APBB1IP: variants seen among roughly 807,000 people sequenced by gnomAD.
APBB1IP encodes the protein amyloid beta precursor protein binding family B member 1 interacting protein.
A neutral mutation model predicts 64.9 loss-of-function variants in APBB1IP; 27 were observed. That is an observed-to-expected ratio of 0.42 (90% confidence interval 0.31 to 0.57). The LOEUF is 0.57. APBB1IP is among the 20% of genes least tolerant of loss of function. The pLI is 0.20. For synonymous variants in APBB1IP, 392 were observed against 331.0 expected (o/e 1.18, Z -2.00); for missense variants, 812 against 845.5 (o/e 0.96, Z 0.49).
chr10:26,470,658 T>C (rs1201098857), intron 2 of APBB1IP, among the ~76,000 whole-genome samples: 1 of 152,222 alleles, frequency 6.6e-6, no homozygotes, highest in Non-Finnish European at 1.5e-5. Flanking sequence ...AGGTTAGGTG[T>C]ATTAAATTCA....
intron 2 of APBB1IP, among the ~76,000 whole-genome samples, chr10:26,470,198 A>C (rs887736630): frequency 2.0e-5 from 3 of 152,348 alleles, no homozygotes; most frequent in East Asian, 3.9e-4. Context: ...TACACTTTCA[A>C]TAAAGTATCC....
Position 26,501,019 on chromosome 10 carries a change from A to C in APBB1IP, c.361A>C (p.Ile121Leu). The change falls in exon 5 of 15, where the codon ATC (isoleucine) becomes CTC (leucine). Residue 121 changes from isoleucine (I) to leucine (L), a missense_variant. Ile to Leu is a conservative substitution (Grantham distance 5). This residue lies in a region of APBB1IP where 394 missense variants were observed against 413.1 expected (regional missense o/e 0.95). Transcript: ENST00000376236. ...TGGAACAAATGTTGCTGCCACTGGT[A>C]TCAGCCAATATGAGGATGACTTACC... is the stretch of plus-strand genomic sequence containing the variant. Reference protein sequence around the residue: ...GYGTNVAATGISQYEDDLPPP... With the variant: ...GYGTNVAATGLSQYEDDLPPP... The C allele has an allele frequency of 6.2e-7, 1 of 1,614,180 alleles. No homozygotes were observed. Among genetic ancestry groups the C allele is most frequent in the Non-Finnish European group, 8.5e-7 (1 of 1,180,032 alleles).
chr10:26,477,327 AG>A (rs748963287), intron 2 of APBB1IP, among the ~76,000 whole-genome samples: 9 of 152,208 alleles, frequency 5.9e-5, no homozygotes, highest in Non-Finnish European at 8.8e-5. Flanking sequence ...CTCAATTAAA[AG>A]TATTTCTTTG....
intron 2 of APBB1IP, among the ~76,000 whole-genome samples, chr10:26,487,092 A>G (rs1835900930): frequency 6.6e-6 from 1 of 150,586 alleles, no homozygotes; most frequent in Non-Finnish European, 1.5e-5. Context: ...CCCAGTCACG[A>G]TGTGAGCATG....
At chr10:26,548,750 T>C (rs1836797089) in intron 11 of APBB1IP, among the ~76,000 whole-genome samples, 1 of 152,200 alleles carries the variant, frequency 6.6e-6, no homozygotes, top group South Asian at 2.1e-4. Flanking sequence ...GGTGGAGTCT[T>C]TGAGATTTTC....
chr10:26,442,301 A>C lies in APBB1IP; in HGVS notation c.-1+3448A>C, dbSNP rs75782946. Among the ~76,000 whole-genome samples the C allele has an allele frequency of 5.8e-3, 876 of 152,328 alleles. 7 individuals are homozygous for C. The highest frequency in any genetic ancestry group is 0.02 in the African/African-American group (821 of 41,574). On this transcript the variant is annotated intron_variant, in intron 2 of 14. Transcript: ENST00000376236. ...ATTATCTTTACGTGTGCCTTGAAAAAAGAATCTGCTTTGTTAGCAATCGTG... is the reference window on the plus strand; with the variant it reads ...ATTATCTTTACGTGTGCCTTGAAAACAGAATCTGCTTTGTTAGCAATCGTG...
At chr10:26,536,597 T>C (rs1441830269) in intron 10 of APBB1IP, among the ~76,000 whole-genome samples, 4 of 151,370 alleles carry the variant, frequency 2.6e-5, no homozygotes, top group Non-Finnish European at 4.4e-5. Flanking sequence ...TTCTTTCTTT[T>C]TTTTTTTTTC....
At chr10:26,552,325 CTGTGGCCCA>C in intron 11 of APBB1IP, among the ~76,000 whole-genome samples, 1 of 152,180 alleles carries the variant, frequency 6.6e-6, no homozygotes, top group South Asian at 2.1e-4. Context: ...TAGCTGGGCA[CTGTGGCCCA>C]TGTGTGTAAT....
chr10:26,562,691 G>T (rs1050626014), intron 14 of APBB1IP, among the ~76,000 whole-genome samples: 1 of 152,102 alleles, frequency 6.6e-6, no homozygotes, highest in Non-Finnish European at 1.5e-5. Flanking sequence ...CAGCTACTGG[G>T]GAGGCTGAGG....
chr10:26,536,109 A>G lies in APBB1IP; in HGVS notation c.936A>G (p.Glu312=), dbSNP rs1445013088. 9 of 1,605,046 alleles carry G rather than the reference A, an allele frequency of 5.6e-6. No individual in the cohort carries two copies. In the South Asian group the frequency reaches 1.0e-4, roughly 18 times the overall value. ...SFCGTSIIVP[E]LEGALYLKED... ...GTGGAACATCTATCATTGTACCAGA[A>G]CTGGAAGGAGCTCTTTATTTGAAAG... The change falls in exon 10 of 15, where the codon GAA becomes GAG. Residue 312 remains glutamate (E), a synonymous_variant. Coordinates refer to ENST00000376236, the MANE Select transcript of APBB1IP (RefSeq NM_019043.4).
chr10:26,518,637 G>A (rs1366304437), intron 8 of APBB1IP, among the ~76,000 whole-genome samples: 1 of 152,192 alleles, frequency 6.6e-6, no homozygotes, highest in Non-Finnish European at 1.5e-5. Flanking sequence ...GGCATCTTCT[G>A]TGGTTTTAAG....
chr10:26,552,363 C>G (rs1056585763), intron 11 of APBB1IP, among the ~76,000 whole-genome samples: 1 of 151,996 alleles, frequency 6.6e-6, no homozygotes, highest in African/African-American at 2.4e-5. Flanking sequence ...TTTCGGAGGT[C>G]AAGGCAGGAG....
intron 9 of APBB1IP, 105 bp from the exon 10 acceptor site, chr10:26,535,969 A>C: frequency 8.1e-7 from 1 of 1,231,596 alleles, no homozygotes; most frequent in Non-Finnish European, 1.1e-6. Flanking sequence ...TTGTACACAA[A>C]ATTGACTTTT....
intron 2 of APBB1IP, among the ~76,000 whole-genome samples, chr10:26,487,510 C>A (rs116751215): frequency 6.6e-6 from 1 of 152,082 alleles, no homozygotes; most frequent in African/African-American, 2.4e-5. Flanking sequence ...TATGACTGTA[C>A]GTTTCAGCAC....
chr10:26,557,617 T>C (rs975260641), intron 11 of APBB1IP, among the ~76,000 whole-genome samples: 13 of 152,236 alleles, frequency 8.5e-5, no homozygotes, highest in Admixed American at 7.2e-4. Flanking sequence ...ACCCCCAGGT[T>C]CTAGTGGGGT....
intron 2 of APBB1IP, among the ~76,000 whole-genome samples, chr10:26,440,844 G>C (rs1336142588): frequency 6.6e-6 from 1 of 152,070 alleles, no homozygotes; most frequent in East Asian, 1.9e-4. Flanking sequence ...ATGTCTGTTT[G>C]ATATGTCACT....
intron 11 of APBB1IP, among the ~76,000 whole-genome samples, chr10:26,545,738 C>T (rs17558142): frequency 2.0e-5 from 3 of 148,028 alleles, no homozygotes; most frequent in Non-Finnish European, 3.0e-5. Context: ...CCAGCCTGGG[C>T]GACAGAGCGA....
chr10:26,448,872 A>G (rs569696511), intron 2 of APBB1IP, among the ~76,000 whole-genome samples: 2 of 152,318 alleles, frequency 1.3e-5, no homozygotes, highest in South Asian at 2.1e-4. Flanking sequence ...GCAAAATGTG[A>G]TCTGTTGCCC....
chr10:26,514,853 T>C (rs746038129), intron 8 of APBB1IP, among the ~76,000 whole-genome samples: 31 of 151,918 alleles, frequency 2.0e-4, no homozygotes, highest in Non-Finnish European at 3.2e-4. Context: ...CTACCTTCAA[T>C]GCCATGCTTT....
Sources: gnomAD v4.1 joint callset for allele counts (sites outside exome capture counted in the v4.1 genomes callset) on GRCh38, gnomAD v4.1.1 for gene constraint, gnomAD v4.1.1 regional missense constraint, MANE v1.5 for transcripts, NCBI Gene and HGNC (gene_info 2026-07-23, HGNC 2026-07-21) for gene names.